MED14: variants seen among roughly 807,000 people sequenced by gnomAD.
The protein encoded by MED14 is mediator complex subunit 14.
MED14 carries 8 observed loss-of-function variants against 109.0 expected under a neutral mutation model. That is an observed-to-expected ratio of 0.07 (90% CI 0.04 to 0.13). The LOEUF (loss-of-function observed/expected upper bound fraction) is 0.13, where lower values mean the gene tolerates loss of function less well. MED14 is among the 10% of genes least tolerant of loss of function. MED14 has a pLI of 1.00. For missense variants in MED14, 711 were observed against 1,142.4 expected, an observed-to-expected ratio of 0.62 and a Z score of 5.44; for synonymous variants, 399 against 408.7, an observed-to-expected ratio of 0.98 and a Z score of 0.29.
At chrX:40,653,330 A>T (rs1422008904) in intron 30 of MED14, among the ~76,000 whole-genome samples, 1 of 111,998 alleles carries the variant, frequency 8.9e-6, no homozygotes, top group South Asian at 3.7e-4. Flanking sequence ...GAAGTAGAAG[A>T]AGTATTACAA....
intron 23 of MED14, 59 bp from the exon 24 acceptor site, chrX:40,666,910 G>A (rs952438769): frequency 9.8e-7 from 1 of 1,015,500 alleles, no homozygotes; most frequent in Non-Finnish European, 1.3e-6. Flanking sequence ...TCCTGTCCAA[G>A]GACCCCAAGT....
rs754427131 is a variant in MED14 at position 40,726,848 on chromosome X, T to C, written c.246A>G (p.Lys82=). 1 of 1,196,873 alleles carries C rather than the reference T, an allele frequency of 8.4e-7. No individual in the cohort carries two copies. Among genetic ancestry groups the C allele is most frequent in the East Asian group, 3.0e-5 (1 of 33,656 alleles). ...GGCTAGCAAACTGCACTATTTCTATTTTCCTATAAAATAAAACAACTCTTA... is the reference window on the plus strand; with the variant it reads ...GGCTAGCAAACTGCACTATTTCTATCTTCCTATAAAATAAAACAACTCTTA... ...LLPRKSDVER[K]IEIVQFASRT... is the part of the protein sequence containing the mutation. The change falls in exon 3 of 31, where the codon AAA becomes AAG. Residue 82 remains lysine (K), a synonymous_variant. Transcript: ENST00000324817.
Position 40,682,721 on chromosome X carries a change from A to G in MED14, c.2247T>C (p.Tyr749=). 8.3e-7 allele frequency: 1 copy of G among 1,209,083 alleles called. No individual in the cohort carries two copies. ...CAACAGGCTCAGACAACAGATTTTC[A>G]TATGTCAGGTAAACGTGCCGGGATG... is the stretch of plus-strand genomic sequence containing the variant. The part of the protein sequence containing the change: ...QGPSRHVYLT[Y]ENLLSEPVGG... The change falls in exon 18 of 31, where the codon TAT becomes TAC. Residue 749 remains tyrosine (Y), a synonymous_variant. Transcript: ENST00000324817.
rs1283727438 is a variant in MED14 at position 40,654,989 on chromosome X, C to T, written c.4044G>A (p.Pro1348=). Residue 1348 remains proline (P), a synonymous_variant, in exon 29 of 31, where the codon CCG becomes CCA. Transcript: ENST00000324817. ...CAGCAGGCGTCCCAGGAGGTGCAAT[C>T]GGCGGCGCGCTGGGAGGGATCGTCA... The part of the protein sequence containing the change: ...FCLTIPPSAP[P]IAPPGTPAVV... 5 of 1,210,487 alleles carry T rather than the reference C, an allele frequency of 4.1e-6. No individual in the cohort carries two copies. Among genetic ancestry groups the T allele is most frequent in the South Asian group, 3.5e-5 (2 of 56,898 alleles).
At position 40,659,260 on chromosome X, in the gene MED14, G is replaced by A; in HGVS notation, c.3939C>T (p.Leu1313=). Residue 1313 remains leucine (L), a synonymous_variant, in exon 28 of 31, where the codon CTC becomes CTT. Coordinates refer to ENST00000324817, the MANE Select transcript of MED14 (RefSeq NM_004229.4). ...TKLLGAPTHI[L]RDCVHIMKLE... is the part of the protein sequence containing the mutation. ...GCTTCATAATGTGCACACAATCCCT[G>A]AGGATGTGTGTAGGAGCTCCTAATA... 1.7e-6 allele frequency: 2 copies of A among 1,161,235 alleles called. No individual in the cohort carries two copies. Among genetic ancestry groups the A allele is most frequent in the Non-Finnish European group, 2.3e-6 (2 of 868,346 alleles).
chrX:40,735,341 G>A lies in MED14; in HGVS notation c.72C>T (p.Pro24=), dbSNP rs1044735510. The A allele has an allele frequency of 8.3e-6, 9 of 1,078,444 alleles. No individual in the cohort carries two copies. Among genetic ancestry groups the A allele is most frequent in the African/African-American group, 5.9e-5 (3 of 50,633 alleles). 88.9% of individuals were successfully genotyped at this position (1,078,444 alleles called of 1,213,427 possible). Residue 24 remains proline (P), a synonymous_variant, in exon 1 of 31, where the codon CCC becomes CCT. Coordinates refer to ENST00000324817, the MANE Select transcript of MED14 (RefSeq NM_004229.4). The part of the protein sequence containing the change: ...PGGGGGGSGG[P]PSAPAPPPPG... ...GGGGAGGAGGGGCTGGGGCTGACGG[G>A]GGTCCGCCGCTGCCCCCGCCGCCGC...
At position 40,671,876 on chromosome X, in the gene MED14, G is replaced by A. The variant is rs753090414; in HGVS notation, c.3118C>T (p.His1040Tyr). Reference sequence around the variant, plus strand: ...AATATCTTACCTGGAGACTGTGTGTGCATCATTGAGGGAGACTGATTGACT... The same window carrying A: ...AATATCTTACCTGGAGACTGTGTGTACATCATTGAGGGAGACTGATTGACT... ...STVNQSPSMMHTQSPGNLHAA... is the reference protein window; with the variant it reads ...STVNQSPSMMYTQSPGNLHAA... Residue 1040 changes from histidine to tyrosine, a missense_variant, in exon 23 of 31, where the codon CAC (histidine) becomes TAC (tyrosine). His to Tyr is a moderately conservative substitution (Grantham distance 83). Around this residue, in one of 8 missense-constraint regions of MED14, gnomAD observed 100 missense variants for 147.5 expected, o/e 0.68. Coordinates refer to ENST00000324817, the MANE Select transcript of MED14 (RefSeq NM_004229.4). The A allele has an allele frequency of 1.4e-5, 17 of 1,190,513 alleles. No homozygotes were observed. The highest frequency in any genetic ancestry group is 1.9e-5 in the Non-Finnish European group (17 of 879,226).
intron 3 of MED14, among the ~76,000 whole-genome samples, chrX:40,721,510 G>T (rs1046928657): frequency 8.9e-6 from 1 of 112,845 alleles, no homozygotes; most frequent in Admixed American, 9.3e-5. Context: ...TAAGGTTTTT[G>T]ACTCTAATCC....
At chrX:40,669,023 T>C (rs913552294) in intron 23 of MED14, among the ~76,000 whole-genome samples, 2 of 111,799 alleles carry the variant, frequency 1.8e-5, no homozygotes, top group Non-Finnish European at 3.8e-5. Flanking sequence ...GTTGATCAAC[T>C]TGACTAACCT....
intron 3 of MED14, among the ~76,000 whole-genome samples, chrX:40,720,843 G>A (rs6520687): frequency 0.28 from 29,914 of 108,472 alleles, 3,955 homozygotes; most frequent in African/African-American, 0.51. Context: ...GCAGAGTAGT[G>A]AGGCCCCTAT....
intron 9 of MED14, 86 bp downstream of exon 9, chrX:40,709,893 T>G: frequency 1.7e-6 from 1 of 594,407 alleles, no homozygotes; most frequent in Non-Finnish European, 2.5e-6. Flanking sequence ...AATTAGATAT[T>G]TTTAAAAATT....
chrX:40,693,998 A>G (rs1432187775), intron 13 of MED14, among the ~76,000 whole-genome samples: 1 of 110,844 alleles, frequency 9.0e-6, no homozygotes, highest in Non-Finnish European at 1.9e-5. Context: ...CCCAGGTTCA[A>G]GCGATTCTTG....
intron 10 of MED14, among the ~76,000 whole-genome samples, chrX:40,708,242 C>T (rs929427401): frequency 9.1e-6 from 1 of 110,155 alleles, no homozygotes; most frequent in African/African-American, 3.3e-5. Context: ...TTAGGCTGCC[C>T]CTCTCCTTAG....
In MED14 at chrX:40,729,353, G is replaced by GAAAA; in HGVS notation, c.216-12_216-9dup. ...TCAGATTTCCTTGGCAGTCTAAGAA[G>GAAAA]AAAAAAAAAAAACGGATTAGATACA... On this transcript the variant is annotated splice_polypyrimidine_tract_variant and intron_variant, in intron 1 of 30. Coordinates refer to ENST00000324817, the MANE Select transcript of MED14 (RefSeq NM_004229.4). 1 of 917,667 alleles carries GAAAA rather than the reference G, an allele frequency of 1.1e-6. No individual in the cohort carries two copies. Among genetic ancestry groups the GAAAA allele is most frequent in the South Asian group, 2.4e-5 (1 of 41,373 alleles). 75.6% of individuals were successfully genotyped at this position (917,667 alleles called of 1,213,427 possible).
chrX:40,709,000 G>T (rs754855069), intron 10 of MED14, among the ~76,000 whole-genome samples: 1 of 110,835 alleles, frequency 9.0e-6, no homozygotes, highest in African/African-American at 3.3e-5. Flanking sequence ...ATAGAGACGG[G>T]GTCTCATTTT....
intron 21 of MED14, among the ~76,000 whole-genome samples, chrX:40,679,525 C>T (rs1930037650): frequency 9.0e-6 from 1 of 111,635 alleles, no homozygotes; most frequent in African/African-American, 3.3e-5. Context: ...ATAAGCATCA[C>T]AGTAGAATTG....
intron 12 of MED14, among the ~76,000 whole-genome samples, chrX:40,698,298 G>A (rs1930796190): frequency 8.9e-6 from 1 of 111,917 alleles, no homozygotes; most frequent in Admixed American, 9.5e-5. Context: ...TTACAAACAA[G>A]AAACAAGCTC....
intron 21 of MED14, among the ~76,000 whole-genome samples, chrX:40,678,420 T>C (rs764684102): frequency 5.4e-5 from 6 of 111,707 alleles, no homozygotes; most frequent in African/African-American, 2.0e-4. Flanking sequence ...AAATAAAATG[T>C]TGAGCAAGAC....
chrX:40,691,960 G>A (rs995702258), intron 15 of MED14, among the ~76,000 whole-genome samples: 3 of 110,460 alleles, frequency 2.7e-5, no homozygotes, highest in African/African-American at 9.9e-5. Context: ...TTTCCATAAA[G>A]AGCAGAAGAC....
Sources: allele counts gnomAD v4.1 joint callset (sites outside exome capture counted in the v4.1 genomes callset), GRCh38; gene constraint gnomAD v4.1.1; regional missense constraint gnomAD v4.1.1; transcripts MANE v1.5; gene names NCBI Gene and HGNC (gene_info 2026-07-23, HGNC 2026-07-21).